The following ADGRL3 variants were observed in gnomAD, a reference collection of about 807,000 sequenced individuals.
The protein encoded by ADGRL3 is adhesion G protein-coupled receptor L3.
ADGRL3 carries 62 observed loss-of-function variants against 153.5 expected under a neutral mutation model. The observed-to-expected ratio is 0.40, with a 90% confidence interval of 0.33 to 0.50. ADGRL3 has a LOEUF of 0.50. ADGRL3 is among the 20% of genes least tolerant of loss of function. The pLI, the probability that ADGRL3 is intolerant of heterozygous loss-of-function variation, is 0.47. For missense variants in ADGRL3, 1,641 were observed against 1,859.4 expected (o/e 0.88, Z 2.16); for synonymous variants, 710 against 672.5 (o/e 1.06, Z -0.86).
intron 5 of ADGRL3, among the ~76,000 whole-genome samples, chr4:61,628,687 T>C (rs1305951820): frequency 1.3e-5 from 2 of 152,152 alleles, no homozygotes; most frequent in Non-Finnish European, 2.9e-5. Context: ...ACTCTTAGCA[T>C]TTTTTTCATT....
chr4:61,411,638 T>C, intron 2 of ADGRL3, among the ~76,000 whole-genome samples: 1 of 152,174 alleles, frequency 6.6e-6, no homozygotes, highest in African/African-American at 2.4e-5. Context: ...TTGACTAATT[T>C]CTCTTTCCTT....
intron 5 of ADGRL3, among the ~76,000 whole-genome samples, chr4:61,670,124 T>C (rs2094941204): frequency 1.3e-5 from 2 of 152,080 alleles, no homozygotes; most frequent in Admixed American, 1.3e-4. Flanking sequence ...TGAAACCCCA[T>C]CTGTACTAAA....
At chr4:61,952,540 G>A (rs2098951112) in intron 17 of ADGRL3, among the ~76,000 whole-genome samples, 1 of 151,850 alleles carries the variant, frequency 6.6e-6, no homozygotes, top group South Asian at 2.1e-4. Flanking sequence ...GAGAGAGATG[G>A]TGCAGGTATA....
chr4:61,567,751 G>A (rs1038806474), intron 4 of ADGRL3, among the ~76,000 whole-genome samples: 13 of 152,138 alleles, frequency 8.5e-5, no homozygotes, highest in African/African-American at 3.1e-4. Context: ...GTTTTAGCAA[G>A]TACATACATA....
chr4:61,978,426 A>G (rs1241836549), intron 17 of ADGRL3, among the ~76,000 whole-genome samples: 3 of 151,976 alleles, frequency 2.0e-5, no homozygotes, highest in Non-Finnish European at 2.9e-5. Flanking sequence ...TTAAAATATC[A>G]TTGTAGGAAT....
intron 22 of ADGRL3, among the ~76,000 whole-genome samples, chr4:62,030,170 C>T (rs1721194379): frequency 6.6e-6 from 1 of 151,446 alleles, no homozygotes; most frequent in Admixed American, 6.6e-5. Context: ...TAATAATTAA[C>T]TACTTTGGGA....
chr4:61,763,360 T>G lies in ADGRL3; in HGVS notation c.1399+29806T>G, dbSNP rs190525269. ...GTGCCACCATGTCCAGCTATTTTTT[T>G]TTTTTTAGTAGAGACGGGGTTTCAC... is the stretch of plus-strand genomic sequence containing the variant. On this transcript the variant is annotated intron_variant, in intron 8 of 26. Transcript: ENST00000683033. Among the ~76,000 whole-genome samples the G allele has an allele frequency of 5.4e-3, 823 of 152,056 alleles. 10 individuals carry two copies. The highest frequency in any genetic ancestry group is 0.018 in the African/African-American group (754 of 41,488).
In ADGRL3 at chr4:61,909,589, T is replaced by A. The variant is rs2098712406; in HGVS notation, c.1917T>A (p.Ile639=). The A allele has an allele frequency of 6.2e-7, 1 of 1,613,356 alleles. No individual in the cohort carries two copies. Among genetic ancestry groups the A allele is most frequent in the Non-Finnish European group, 8.5e-7 (1 of 1,179,642 alleles). ...AATCTGGTGAAACAGCTGCCAACAT[T>A]GCTAGAGAGCTGGCTGAACAGACAA... is the stretch of plus-strand genomic sequence containing the variant. ...KLKSGETAAN[I]ARELAEQTRN... is the part of the protein sequence containing the mutation. Residue 639 remains isoleucine (I), a synonymous_variant, in exon 12 of 27, where the codon ATT becomes ATA. Transcript: ENST00000683033.
At chr4:61,727,935 T>C (rs972475819) in intron 6 of ADGRL3, among the ~76,000 whole-genome samples, 1 of 152,108 alleles carries the variant, frequency 6.6e-6, no homozygotes, top group African/African-American at 2.4e-5. Flanking sequence ...ATTTATTATG[T>C]GGTTGTGCAA....
chr4:61,238,222 C>T (rs554297554), intron 1 of ADGRL3, among the ~76,000 whole-genome samples: 2 of 152,204 alleles, frequency 1.3e-5, no homozygotes, highest in South Asian at 4.1e-4. Flanking sequence ...CCTTACATTG[C>T]CTCTTTAGAT....
intron 5 of ADGRL3, among the ~76,000 whole-genome samples, chr4:61,674,941 T>G (rs2150868784): frequency 6.6e-6 from 1 of 152,076 alleles, no homozygotes; most frequent in East Asian, 1.9e-4. Flanking sequence ...TTATTATACA[T>G]TTGTCTGATC....
chr4:61,241,596 T>A (rs1002157248), intron 1 of ADGRL3, among the ~76,000 whole-genome samples: 19 of 152,078 alleles, frequency 1.2e-4, no homozygotes, highest in African/African-American at 4.6e-4. Context: ...AGAAACAAAA[T>A]GTGCAGTTTG....
At chr4:61,360,856 T>C (rs906627555) in intron 1 of ADGRL3, among the ~76,000 whole-genome samples, 18 of 152,186 alleles carry the variant, frequency 1.2e-4, no homozygotes, top group African/African-American at 4.3e-4. Flanking sequence ...GCAATAATAA[T>C]AGCACCTGAA....
intron 5 of ADGRL3, among the ~76,000 whole-genome samples, chr4:61,636,184 C>G (rs2093415772): frequency 6.6e-6 from 1 of 152,108 alleles, no homozygotes; most frequent in South Asian, 2.1e-4. Flanking sequence ...GTGAATGTTA[C>G]TTCCCTCAGT....
At chr4:61,726,156 T>G (rs1208638626) in intron 6 of ADGRL3, among the ~76,000 whole-genome samples, 1 of 148,594 alleles carries the variant, frequency 6.7e-6, no homozygotes, top group East Asian at 2.0e-4. Flanking sequence ...ATCTGAAAAT[T>G]TTTTAGTGCA....
At chr4:61,866,443 G>A (rs2098400713) in intron 9 of ADGRL3, among the ~76,000 whole-genome samples, 1 of 152,152 alleles carries the variant, frequency 6.6e-6, no homozygotes, top group Non-Finnish European at 1.5e-5. Context: ...GTTTTCAGGA[G>A]CATAGTGAAC....
chr4:61,717,497 A>G (rs758869935), intron 6 of ADGRL3, among the ~76,000 whole-genome samples: 2 of 152,102 alleles, frequency 1.3e-5, no homozygotes, highest in Non-Finnish European at 2.9e-5. Context: ...TGTGACCTTG[A>G]GCAAGTAATT....
intron 17 of ADGRL3, among the ~76,000 whole-genome samples, chr4:61,975,141 A>C (rs1377870269): frequency 3.9e-5 from 6 of 152,124 alleles, no homozygotes; most frequent in Non-Finnish European, 8.8e-5. Flanking sequence ...AGTAGAAAAA[A>C]TATTAAAATA....
At chr4:62,036,533 A>G (rs1243953712) in intron 23 of ADGRL3, among the ~76,000 whole-genome samples, 4 of 152,174 alleles carry the variant, frequency 2.6e-5, no homozygotes, top group Non-Finnish European at 5.9e-5. Flanking sequence ...TATCTTTGAC[A>G]CAATGAATTT....
Sources: gnomAD v4.1 joint callset for allele counts (sites outside exome capture counted in the v4.1 genomes callset) on GRCh38, gnomAD v4.1.1 for gene constraint, MANE v1.5 for transcripts, NCBI Gene and HGNC (gene_info 2026-07-23, HGNC 2026-07-21) for gene names.